Variants in GLIS3 observed in about 807,000 individuals in gnomAD.
The protein encoded by GLIS3 is zinc finger protein GLIS3.
A neutral mutation model predicts 78.6 loss-of-function variants in GLIS3; 53 were observed. The ratio of observed to expected loss-of-function variants is 0.67; its 90% confidence interval spans 0.54 to 0.85. GLIS3 has a LOEUF of 0.85. Ranked by LOEUF, GLIS3 falls within the 40% of genes least tolerant of loss-of-function variation. The pLI is 0.00. For synonymous variants in GLIS3, 684 were observed against 509.9 expected (o/e 1.34, Z -4.60); for missense variants, 1,703 against 1,231.1 (o/e 1.38, Z -5.74).
intron 4 of GLIS3, among the ~76,000 whole-genome samples, chr9:3,957,177 A>C (rs1588311866): frequency 6.6e-6 from 1 of 152,206 alleles, no homozygotes; most frequent in Non-Finnish European, 1.5e-5. Flanking sequence ...TCAAATGGAA[A>C]AGCAGGATAA....
rs147762206 is a variant in GLIS3, at chr9:4,294,334, C to G, written c.-99+5087G>C. Among the ~76,000 whole-genome samples the G allele has an allele frequency of 2.7e-3, 416 of 152,128 alleles. 1 individual carries two copies. The highest frequency in any genetic ancestry group is 9.5e-3 in the African/African-American group (394 of 41,494). On this transcript the variant is annotated intron_variant, in intron 1 of 10. Coordinates refer to ENST00000381971, the MANE Select transcript of GLIS3 (RefSeq NM_001042413.2). ...GACCAGTCTGACTAACACAGTGAAACCCCCATCTCTACTAAAAATACAAAA... is the reference window on the plus strand; with the variant it reads ...GACCAGTCTGACTAACACAGTGAAAGCCCCATCTCTACTAAAAATACAAAA...
chr9:3,904,314 A>G lies in GLIS3; in HGVS notation c.1984-5479T>C, dbSNP rs1823516791. Among the ~76,000 whole-genome samples, 4 of 152,332 alleles carry G rather than the reference A, an allele frequency of 2.6e-5. No individual in the cohort carries two copies. In the South Asian group the frequency reaches 8.3e-4, roughly 32 times the overall value. On this transcript the variant is annotated intron_variant, in intron 6 of 10. Coordinates refer to ENST00000381971, the MANE Select transcript of GLIS3 (RefSeq NM_001042413.2). ...CCAATCAGTGAAAAGCCTGAAGAGC[A>G]AAAGAAACTAAAGTTTCACTAAAAA...
chr9:4,327,541 A>G (rs971433430), intron 2 of GLIS3, among the ~76,000 whole-genome samples: 1 of 152,120 alleles, frequency 6.6e-6, no homozygotes, highest in African/African-American at 2.4e-5. Context: ...GTGAGGATGA[A>G]TTGAAATGAA....
chr9:4,212,497 T>C lies in GLIS3; in HGVS notation c.388+73541A>G, dbSNP rs903220014. 8.5e-5 allele frequency among the ~76,000 whole-genome samples: 13 copies of C among 152,252 alleles called. No homozygotes were observed. In the East Asian group the frequency reaches 2.5e-3, roughly 29 times the overall value. On this transcript the variant is annotated intron_variant, in intron 2 of 10. Transcript: ENST00000381971. Reference sequence around the variant, plus strand: ...CCCAGGGCTGAGGGTTACAGACACATAAGCAGGCAAAACAATACAGCAGTG... The same window carrying C: ...CCCAGGGCTGAGGGTTACAGACACACAAGCAGGCAAAACAATACAGCAGTG...
At chr9:4,444,593 C>G in the GLIS3 span, among the ~76,000 whole-genome samples, 1 of 152,228 alleles carries the variant, frequency 6.6e-6, no homozygotes, top group African/African-American at 2.4e-5. Context: ...CTTCGCAGGT[C>G]TGGTAATCTG....
chr9:4,263,910 G>A (rs903519762), intron 2 of GLIS3, among the ~76,000 whole-genome samples: 1 of 151,864 alleles, frequency 6.6e-6, no homozygotes, highest in Non-Finnish European at 1.5e-5. Flanking sequence ...CTCAGTTATT[G>A]GCCATTTTCT....
the GLIS3 span, among the ~76,000 whole-genome samples, chr9:4,405,219 T>C: frequency 6.6e-6 from 1 of 151,974 alleles, no homozygotes; most frequent in African/African-American, 2.4e-5. Context: ...CCAGGTTTGG[T>C]GGTGCACGCC....
At chr9:4,083,028 G>C (rs572584872) in intron 4 of GLIS3, among the ~76,000 whole-genome samples, 125 of 152,244 alleles carry the variant, frequency 8.2e-4, no homozygotes, top group Non-Finnish European at 2.6e-4. Flanking sequence ...GTCTGAAGTG[G>C]TGACATGTTT....
intron 2 of GLIS3, among the ~76,000 whole-genome samples, chr9:4,227,591 A>C (rs2131352701): frequency 6.6e-6 from 1 of 152,330 alleles, no homozygotes; most frequent in South Asian, 2.1e-4. Flanking sequence ...ATCCTGGAAA[A>C]GCCAGTAACT....
chr9:4,417,543 C>G, the GLIS3 span, among the ~76,000 whole-genome samples: 1 of 152,220 alleles, frequency 6.6e-6, no homozygotes, highest in East Asian at 1.9e-4. Flanking sequence ...ATAGTTTGTT[C>G]TTGCTGTTTT....
chr9:4,166,551 T>A (rs1056069903), intron 2 of GLIS3, among the ~76,000 whole-genome samples: 2 of 152,256 alleles, frequency 1.3e-5, no homozygotes, highest in African/African-American at 4.8e-5. Flanking sequence ...TAAGTTCAAG[T>A]GCTGGCCTGA....
chr9:4,184,691 A>G (rs1817615896), intron 2 of GLIS3, among the ~76,000 whole-genome samples: 1 of 152,240 alleles, frequency 6.6e-6, no homozygotes, highest in Non-Finnish European at 1.5e-5. Context: ...GGAGATTTAG[A>G]GAGACTTAAA....
At chr9:4,317,473 G>T (rs1817458327) in intron 2 of GLIS3, among the ~76,000 whole-genome samples, 1 of 152,152 alleles carries the variant, frequency 6.6e-6, no homozygotes, top group South Asian at 2.1e-4. Flanking sequence ...TATGTCTTTA[G>T]GAAGCAGATG....
At chr9:3,895,074 T>C (rs1547126) in intron 7 of GLIS3, among the ~76,000 whole-genome samples, 114,456 of 152,118 alleles carry the variant, frequency 0.75, 43,110 homozygotes, top group East Asian at 0.82. Context: ...TCACTGTTAA[T>C]AAATGGACTC....
chr9:4,353,162 C>A (rs1307720209), upstream of GLIS3, among the ~76,000 whole-genome samples: 1 of 152,118 alleles, frequency 6.6e-6, no homozygotes. Flanking sequence ...TGAGAAGTTC[C>A]CTCTCTTGAC....
the GLIS3 span, among the ~76,000 whole-genome samples, chr9:4,358,893 T>C: frequency 1.3e-5 from 2 of 152,216 alleles, no homozygotes; most frequent in African/African-American, 4.8e-5. Context: ...CTACCACTGC[T>C]GCTGCCTCCA....
chr9:4,059,550 C>T (rs1432656407), intron 4 of GLIS3, among the ~76,000 whole-genome samples: 1 of 152,204 alleles, frequency 6.6e-6, no homozygotes, highest in African/African-American at 2.4e-5. Flanking sequence ...TATTCTTGGC[C>T]TTCTGCCTAC....
At chr9:4,253,766 A>T (rs1382426851) in intron 2 of GLIS3, among the ~76,000 whole-genome samples, 1 of 152,234 alleles carries the variant, frequency 6.6e-6, no homozygotes, top group Non-Finnish European at 1.5e-5. Flanking sequence ...CCCGGTCTGC[A>T]GGTTGTGAAG....
At chr9:4,176,022 C>G (rs1035758332) in intron 2 of GLIS3, among the ~76,000 whole-genome samples, 5 of 152,158 alleles carry the variant, frequency 3.3e-5, no homozygotes, top group African/African-American at 1.2e-4. Flanking sequence ...AGCTCCAACC[C>G]TGCACACAGA....
Sources: allele counts gnomAD v4.1 joint callset (sites outside exome capture counted in the v4.1 genomes callset), GRCh38; gene constraint gnomAD v4.1.1; transcripts MANE v1.5; gene names NCBI Gene and HGNC (gene_info 2026-07-23, HGNC 2026-07-21).